The following SHQ1 variants were observed in gnomAD, a reference collection of about 807,000 sequenced individuals.
The protein encoded by SHQ1 is SHQ1, H/ACA ribonucleoprotein assembly factor.
A neutral mutation model predicts 53.8 loss-of-function variants in SHQ1; 49 were observed. That is an observed-to-expected ratio of 0.91 (90% CI 0.72 to 1.16). The LOEUF is 1.16. Among genes scored for constraint, SHQ1 ranks in the 50% most tolerant of loss-of-function variants. The pLI, the probability that SHQ1 is intolerant of heterozygous loss-of-function variation, is 0.00. For synonymous variants in SHQ1, 243 were observed against 251.0 expected, an observed-to-expected ratio of 0.97 and a Z score of 0.30; for missense variants, 738 against 683.1, an observed-to-expected ratio of 1.08 and a Z score of -0.90.
intron 1 of SHQ1, chr3:72,846,330 T>A: frequency 2.6e-6 from 4 of 1,523,338 alleles, no homozygotes; most frequent in Non-Finnish European, 3.5e-6. Flanking sequence ...AGTCTCGCTC[T>A]GTTACTCAGG....
At chr3:72,816,092 C>T (rs1707307466) in intron 7 of SHQ1, among the ~76,000 whole-genome samples, 1 of 152,064 alleles carries the variant, frequency 6.6e-6, no homozygotes. Context: ...AATTAATAGT[C>T]ATCTTGGAGT....
chr3:72,836,382 G>T (rs1010013279), intron 4 of SHQ1, among the ~76,000 whole-genome samples: 2 of 152,084 alleles, frequency 1.3e-5, no homozygotes, highest in African/African-American at 4.8e-5. Context: ...CCAGCTACTC[G>T]GGAGGCTGAG....
intron 4 of SHQ1, among the ~76,000 whole-genome samples, chr3:72,833,495 TA>T (rs1707895227): frequency 3.8e-5 from 2 of 53,152 alleles, no homozygotes; most frequent in Non-Finnish European, 8.4e-5. Context: ...GATAGATAGA[TA>T]GATAGACAGA....
chr3:72,815,269 G>T, intron 8 of SHQ1, 81 bp downstream of exon 8: 3 of 1,165,044 alleles, frequency 2.6e-6, no homozygotes, highest in Non-Finnish European at 3.8e-6. Flanking sequence ...GGAATTGCTT[G>T]AATTACCCCA....
At chr3:72,792,797 A>AC in intron 10 of SHQ1, 119 bp downstream of exon 10, 1 of 712,188 alleles carries the variant, frequency 1.4e-6, no homozygotes, top group Non-Finnish European at 2.1e-6. Flanking sequence ...AAAAAAAAAA[A>AC]AAAAAAAAAA....
intron 6 of SHQ1, among the ~76,000 whole-genome samples, chr3:72,822,813 T>C (rs1053120849): frequency 1.3e-5 from 2 of 152,158 alleles, no homozygotes; most frequent in Non-Finnish European, 2.9e-5. Context: ...AACTCAAATA[T>C]AAAAGTCAGG....
At chr3:72,776,963 T>C (rs1334651327) in intron 10 of SHQ1, among the ~76,000 whole-genome samples, 2 of 152,152 alleles carry the variant, frequency 1.3e-5, no homozygotes, top group Non-Finnish European at 2.9e-5. Flanking sequence ...GAGGAAAGGA[T>C]AGACTATTTA....
At chr3:72,748,255 T>C (rs1279849295), downstream of SHQ1, among the ~76,000 whole-genome samples, 1 of 131,168 alleles carries the variant, frequency 7.6e-6, no homozygotes, top group African/African-American at 2.9e-5. Flanking sequence ...AGAGTATATA[T>C]AAGAATGCAT....
the SHQ1 span, among the ~76,000 whole-genome samples, chr3:72,735,290 G>A: frequency 1.3e-5 from 2 of 150,262 alleles, no homozygotes; most frequent in African/African-American, 4.9e-5. Flanking sequence ...CAGTGGGGGC[G>A]GTTCTTCCGC....
Position 72,792,937 on chromosome 3 carries a change from C to T in SHQ1, c.1160G>A (p.Cys387Tyr), listed in dbSNP as rs1706487065. The stretch of plus-strand genomic sequence containing the variant: ...TTACTTGACTTTCTGAATCCACACA[C>T]AGTAGTCTGAGATGTAGAGATCATT... The part of the protein sequence containing the change: ...ILNDLYISDY[C>Y]VWIQKVKSKK... Residue 387 changes from cysteine to tyrosine, a missense_variant, in exon 10 of 11, where the codon TGT becomes TAT. Cys to Tyr is a radical substitution (Grantham distance 194, BLOSUM62 -2). Coordinates refer to ENST00000325599, the MANE Select transcript of SHQ1 (RefSeq NM_018130.3). 1 of 1,608,400 alleles carries T rather than the reference C, an allele frequency of 6.2e-7. No individual in the cohort carries two copies. The highest frequency in any genetic ancestry group is 8.5e-7 in the Non-Finnish European group (1 of 1,179,152).
At chr3:72,782,989 C>A (rs1444094594) in intron 10 of SHQ1, among the ~76,000 whole-genome samples, 1 of 152,180 alleles carries the variant, frequency 6.6e-6, no homozygotes, top group African/African-American at 2.4e-5. Flanking sequence ...GGGTCTCCCT[C>A]CAAAGAGAAT....
intron 10 of SHQ1, among the ~76,000 whole-genome samples, chr3:72,777,901 A>G (rs984338170): frequency 6.6e-6 from 1 of 152,220 alleles, no homozygotes; most frequent in Non-Finnish European, 1.5e-5. Context: ...AACTCTATGC[A>G]TCATCATGGA....
At chr3:72,737,539 C>T in the SHQ1 span, among the ~76,000 whole-genome samples, 1 of 152,106 alleles carries the variant, frequency 6.6e-6, no homozygotes, top group African/African-American at 2.4e-5. Flanking sequence ...TTCCAGGACC[C>T]CCAGGATACC....
intron 1 of SHQ1, chr3:72,846,217 G>A (rs1708323581): frequency 6.5e-7 from 1 of 1,535,594 alleles, no homozygotes; most frequent in Non-Finnish European, 8.7e-7. Flanking sequence ...TTGCTTACAT[G>A]GGGCCTCCGC....
the SHQ1 span, among the ~76,000 whole-genome samples, chr3:72,742,620 T>TTTC: frequency 4.5e-5 from 3 of 66,402 alleles, no homozygotes; most frequent in African/African-American, 1.8e-4. Context: ...TCTTTTTTTC[T>TTTC]TTTTTTTTTT....
chr3:72,821,882 G>GA (rs1707489858), intron 6 of SHQ1, among the ~76,000 whole-genome samples: 1 of 152,094 alleles, frequency 6.6e-6, no homozygotes, highest in Admixed American at 6.5e-5. Context: ...CCAAATATTT[G>GA]AACCAGGATT....
At chr3:72,807,109 T>A (rs1169596773) in intron 9 of SHQ1, among the ~76,000 whole-genome samples, 1 of 152,196 alleles carries the variant, frequency 6.6e-6, no homozygotes, top group African/African-American at 2.4e-5. Context: ...AATTAACAAG[T>A]ACTTGAGGGT....
At chr3:72,769,373 G>A (rs1051704095) in intron 10 of SHQ1, among the ~76,000 whole-genome samples, 3 of 152,124 alleles carry the variant, frequency 2.0e-5, no homozygotes, top group Non-Finnish European at 4.4e-5. Context: ...TGACCCAAGG[G>A]TCACTAGCTT....
chr3:72,823,565 C>T lies in SHQ1; in HGVS notation c.727+859G>A, dbSNP rs758143401. Among the ~76,000 whole-genome samples, 32 of 152,192 alleles carry T rather than the reference C, an allele frequency of 2.1e-4. 2 individuals are homozygous for T. Among genetic ancestry groups the T allele is most frequent in the Non-Finnish European group, 3.7e-4 (25 of 68,010 alleles). ...ATCAATCATGAAAAAAATATCCAAC[C>T]GGATACTATGTAATCATGAAAAGCT... On this transcript the variant is annotated intron_variant, in intron 6 of 10. Coordinates refer to ENST00000325599, the MANE Select transcript of SHQ1 (RefSeq NM_018130.3).
Sources: gnomAD v4.1 joint callset for allele counts (sites outside exome capture counted in the v4.1 genomes callset) on GRCh38, gnomAD v4.1.1 for gene constraint, MANE v1.5 for transcripts, NCBI Gene and HGNC (gene_info 2026-07-23, HGNC 2026-07-21) for gene names.